COL4A2: variants seen among roughly 807,000 people sequenced by gnomAD.
The protein encoded by COL4A2 is collagen alpha-2(IV) chain.
Under a neutral mutation model 200.2 loss-of-function variants are expected in COL4A2, and 99 were observed. The ratio of observed to expected loss-of-function variants is 0.49; its 90% CI spans 0.42 to 0.58. The LOEUF (loss-of-function observed/expected upper bound fraction) is 0.58, where lower values mean the gene tolerates loss of function less well. Among genes scored for constraint, COL4A2 ranks in the 20% least tolerant of loss-of-function variants. COL4A2 has a pLI of 0.00. For synonymous variants in COL4A2, 897 were observed against 900.6 expected (o/e 1.00, Z 0.07); for missense variants, 1,950 against 2,314.1 (o/e 0.84, Z 3.23).
chr13:110,463,984 G>A (rs1882133824), intron 24 of COL4A2, among the ~76,000 whole-genome samples: 1 of 152,240 alleles, frequency 6.6e-6, no homozygotes, highest in Non-Finnish European at 1.5e-5. Flanking sequence ...AGAGGAGGAT[G>A]AGTGATGATT....
intron 6 of COL4A2, among the ~76,000 whole-genome samples, chr13:110,427,919 C>T (rs758616685): frequency 1.3e-5 from 2 of 152,190 alleles, no homozygotes; most frequent in Non-Finnish European, 2.9e-5. Flanking sequence ...AATCACGTTG[C>T]GGGTGTGTCT....
intron 34 of COL4A2, among the ~76,000 whole-genome samples, chr13:110,486,514 ACAGTC>A (rs377136809): frequency 3.3e-5 from 5 of 152,288 alleles, no homozygotes; most frequent in African/African-American, 1.2e-4. Flanking sequence ...GTGTATTCTC[ACAGTC>A]CCTAGCACAC....
chr13:110,446,006 A>C, intron 17 of COL4A2, 124 bp downstream of exon 17: 4 of 982,452 alleles, frequency 4.1e-6, no homozygotes, highest in African/African-American at 1.6e-5. Flanking sequence ...ATCCCCAAAT[A>C]CACGGCCTCT....
intron 32 of COL4A2, among the ~76,000 whole-genome samples, chr13:110,484,367 C>T (rs1008458134): frequency 3.9e-5 from 6 of 152,116 alleles, no homozygotes; most frequent in African/African-American, 1.4e-4. Context: ...CCGGGGCATC[C>T]CCAGCCTGAA....
chr13:110,482,296 G>GTGT (rs1882962253), intron 31 of COL4A2, among the ~76,000 whole-genome samples: 1 of 152,210 alleles, frequency 6.6e-6, no homozygotes. Context: ...TGTTGCCAAT[G>GTGT]TCCGGTCTGA....
chr13:110,487,604 C>T (rs532075720), intron 34 of COL4A2, among the ~76,000 whole-genome samples: 1 of 152,340 alleles, frequency 6.6e-6, no homozygotes, highest in Non-Finnish European at 1.5e-5. Flanking sequence ...ATATTCTAAC[C>T]AGACACAGCA....
At chr13:110,428,339 G>A in intron 6 of COL4A2, 128 bp from the exon 7 acceptor site, 1 of 638,152 alleles carries the variant, frequency 1.6e-6, no homozygotes, top group Non-Finnish European at 2.8e-6. Flanking sequence ...GTTCACTTTT[G>A]AGGTGTCTTT....
chr13:110,378,838 A>G (rs967415505), intron 4 of COL4A2, among the ~76,000 whole-genome samples: 2 of 151,998 alleles, frequency 1.3e-5, no homozygotes, highest in African/African-American at 4.8e-5. Flanking sequence ...CCCGCGGTGT[A>G]TTTCCTTCTC....
intron 3 of COL4A2, among the ~76,000 whole-genome samples, chr13:110,344,282 C>T (rs1876604593): frequency 6.6e-6 from 1 of 152,120 alleles, no homozygotes; most frequent in African/African-American, 2.4e-5. Flanking sequence ...AACACGGAGA[C>T]AGAACAAAAT....
intron 46 of COL4A2, 55 bp downstream of exon 46, chr13:110,506,661 C>A: frequency 6.6e-7 from 1 of 1,506,490 alleles, no homozygotes; most frequent in Non-Finnish European, 8.9e-7. Flanking sequence ...CCGGAAGTGG[C>A]CAAGATCAAA....
chr13:110,339,234 G>A (rs1266811639), intron 3 of COL4A2, among the ~76,000 whole-genome samples: 1 of 152,210 alleles, frequency 6.6e-6, no homozygotes, highest in South Asian at 2.1e-4. Context: ...TGTGCAGAAA[G>A]CCTTCGTTTA....
intron 3 of COL4A2, among the ~76,000 whole-genome samples, chr13:110,317,831 G>T (rs1034504626): frequency 1.3e-5 from 2 of 152,220 alleles, no homozygotes; most frequent in African/African-American, 4.8e-5. Context: ...TCCTAATTTA[G>T]AGAAAGACTT....
At chr13:110,366,168 C>T (rs564609958) in intron 4 of COL4A2, among the ~76,000 whole-genome samples, 4 of 152,304 alleles carry the variant, frequency 2.6e-5, no homozygotes, top group South Asian at 4.1e-4. Flanking sequence ...TTGTTTTATT[C>T]GCTTCCAATT....
intron 40 of COL4A2, among the ~76,000 whole-genome samples, chr13:110,499,339 C>A (rs1024910224): frequency 6.6e-6 from 1 of 152,204 alleles, no homozygotes; most frequent in African/African-American, 2.4e-5. Flanking sequence ...GCAAACACAT[C>A]CTTCTTCACT....
At chr13:110,321,206 G>A (rs899368399) in intron 3 of COL4A2, among the ~76,000 whole-genome samples, 7 of 118,802 alleles carry the variant, frequency 5.9e-5, no homozygotes, top group Non-Finnish European at 1.1e-4. Context: ...ATGTGTCTGT[G>A]TGTATATATA....
intron 4 of COL4A2, among the ~76,000 whole-genome samples, chr13:110,415,200 G>A (rs1879994173): frequency 6.6e-6 from 1 of 152,092 alleles, no homozygotes; most frequent in Admixed American, 6.6e-5. Flanking sequence ...GATAGTGGTG[G>A]TTACACAACT....
At chr13:110,318,545 G>T (rs553581376) in intron 3 of COL4A2, among the ~76,000 whole-genome samples, 1 of 152,330 alleles carries the variant, frequency 6.6e-6, no homozygotes, top group Admixed American at 6.5e-5. Flanking sequence ...CAGGACTCAG[G>T]CATGGGCCCC....
intron 39 of COL4A2, 128 bp downstream of exon 39, chr13:110,493,410 C>T: frequency 8.4e-6 from 8 of 956,388 alleles, no homozygotes; most frequent in Non-Finnish European, 1.3e-5. Flanking sequence ...TCCTGAAGTG[C>T]TATGCGATCG....
In COL4A2 at chr13:110,316,894, A is replaced by G. The variant is rs933555569; in HGVS notation, c.99+8771A>G. On this transcript the variant is annotated intron_variant, in intron 3 of 47. Coordinates refer to ENST00000360467, the MANE Select transcript of COL4A2 (RefSeq NM_001846.4). ...AAATTGTGGTACATGTAAAACATAG[A>G]TATGTATATTATATGTAGAAAATAT... Among the ~76,000 whole-genome samples the G allele has an allele frequency of 1.6e-4, 25 of 152,332 alleles. 1 individual carries two copies. Among genetic ancestry groups the G allele is most frequent in the Admixed American group, 1.6e-3 (24 of 15,294 alleles).
Sources: gnomAD v4.1 joint callset for allele counts (sites outside exome capture counted in the v4.1 genomes callset) on GRCh38, gnomAD v4.1.1 for gene constraint, MANE v1.5 for transcripts, NCBI Gene and HGNC (gene_info 2026-07-23, HGNC 2026-07-21) for gene names.